Variants in NKTR observed in about 807,000 individuals in gnomAD.
NKTR encodes the protein natural killer cell triggering receptor, also known as NK-tumor recognition protein.
In NKTR, 67 loss-of-function variants were observed where a neutral mutation model predicts 156.3. The observed-to-expected ratio is 0.43, with a 90% CI of 0.35 to 0.53. The LOEUF is 0.53. NKTR is among the 20% of genes least tolerant of loss of function. The pLI is 0.01. For missense variants in NKTR, 1,604 were observed against 1,730.9 expected (o/e 0.93, Z 1.30); for synonymous variants, 640 against 596.6 (o/e 1.07, Z -1.06).
intron 2 of NKTR, among the ~76,000 whole-genome samples, chr3:42,608,250 G>A (rs936597843): frequency 4.6e-5 from 7 of 151,602 alleles, no homozygotes; most frequent in African/African-American, 7.3e-5. Flanking sequence ...CTCGGCCTCC[G>A]TGAGCCACTG....
rs1030569099 is a variant in NKTR at position 42,630,857 on chromosome 3, C to CAGT, written c.404+284_404+286dup. 50 of 1,344,214 alleles carry CAGT rather than the reference C, an allele frequency of 3.7e-5. No homozygotes were observed. In the African/African-American group the frequency reaches 7.0e-4, roughly 19 times the overall value. 83.3% of individuals were successfully genotyped at this position (1,344,214 alleles called of 1,614,324 possible). ...TTTCCAAAATGGGTCGGATAGTAAG[C>CAGT]AGTACAATATCATGTGTCCCTGTAA... is the stretch of plus-strand genomic sequence containing the variant. On this transcript the variant is annotated intron_variant, in intron 7 of 16. Coordinates refer to ENST00000232978, the MANE Select transcript of NKTR (RefSeq NM_005385.4).
intron 14 of NKTR, among the ~76,000 whole-genome samples, chr3:42,642,870 A>C (rs547287093): frequency 8.5e-5 from 13 of 152,236 alleles, no homozygotes; most frequent in African/African-American, 3.1e-4. Context: ...TCCTTAACCT[A>C]AGTTTTACAT....
intron 6 of NKTR, chr3:42,630,037 C>G (rs1708746492): frequency 1.0e-6 from 1 of 985,508 alleles, no homozygotes; most frequent in South Asian, 4.7e-5. Context: ...ACTCCTGAGA[C>G]CTACCTCTGC....
In NKTR at chr3:42,637,793, T is replaced by C; in HGVS notation, c.2089T>C (p.Ser697Pro). The change falls in exon 13 of 17, where the codon TCT becomes CCT. Residue 697 changes from serine (S) to proline (P), a missense_variant. Physicochemically the swap from Ser to Pro is moderately conservative, Grantham distance 74. Transcript: ENST00000232978. ...CTCACCAAGGTCAAGGAGCAGATCTTCTAGGAGTAGATCTTATTCCAGATC... is the reference window on the plus strand; with the variant it reads ...CTCACCAAGGTCAAGGAGCAGATCTCCTAGGAGTAGATCTTATTCCAGATC... ...ESSPRSRSRS[S>P]RSRSYSRSYT... The C allele has an allele frequency of 2.5e-6, 4 of 1,613,816 alleles. No homozygotes were observed. The highest frequency in any genetic ancestry group is 8.5e-7 in the Non-Finnish European group (1 of 1,179,850).
chr3:42,600,809 G>A, intron 1 of NKTR, 31 bp downstream of exon 1: 2 of 402,202 alleles, frequency 5.0e-6, no homozygotes, highest in Non-Finnish European at 8.9e-6. Flanking sequence ...CGTGCGCGCT[G>A]CGTGGGAGCC....
chr3:42,627,659 G>A (rs1266884634), intron 6 of NKTR: 1 of 984,176 alleles, frequency 1.0e-6, no homozygotes, highest in Non-Finnish European at 1.2e-6. Context: ...CAGGGGTCGG[G>A]AAAACTGAAA....
At chr3:42,633,449 CAT>C in intron 9 of NKTR, 129 bp from the exon 10 acceptor site, 1 of 1,423,498 alleles carries the variant, frequency 7.0e-7, no homozygotes, top group South Asian at 1.6e-5. Context: ...TTGTGAAAAT[CAT>C]ATAACTCTTT....
chr3:42,624,634 A>G (rs1708211160), intron 6 of NKTR, among the ~76,000 whole-genome samples: 1 of 152,138 alleles, frequency 6.6e-6, no homozygotes, highest in African/African-American at 2.4e-5. Flanking sequence ...TGATAGCTAG[A>G]AAAAGAATGC....
chr3:42,627,854 TTAAACAGCCGC>T, intron 6 of NKTR: 1 of 985,418 alleles, frequency 1.0e-6, no homozygotes, highest in Non-Finnish European at 1.2e-6. Flanking sequence ...GCACAGCTCT[TTAAACAGCCGC>T]TTTTAAGATC....
Position 42,639,264 on chromosome 3 carries a change from T to G in NKTR, c.3560T>G (p.Val1187Gly), listed in dbSNP as rs1052088526. 3.1e-6 allele frequency: 5 copies of G among 1,613,788 alleles called. No individual in the cohort carries two copies. The highest frequency in any genetic ancestry group is 2.5e-6 in the Non-Finnish European group (3 of 1,179,956). Residue 1187 changes from valine to glycine, a missense_variant, in exon 13 of 17, where the codon GTG becomes GGG. This residue lies in a region of NKTR where 1,255 missense variants were observed against 1,243.7 expected (regional missense o/e 1.01). Transcript: ENST00000232978. ...KQESSMSESK[V>G]LGEVGKQDSS... Reference sequence around the variant, plus strand: ...GAAAGCAGCATGTCCGAAAGTAAAGTGTTGGGTGAAGTGGGGAAACAGGAC... The same window carrying G: ...GAAAGCAGCATGTCCGAAAGTAAAGGGTTGGGTGAAGTGGGGAAACAGGAC...
At chr3:42,636,778 G>A in intron 12 of NKTR, 90 bp from the exon 13 acceptor site, 1 of 1,481,052 alleles carries the variant, frequency 6.8e-7, no homozygotes, top group South Asian at 1.5e-5. Context: ...TGTTAATGGG[G>A]TCAAGAACTT....
chr3:42,609,165 AG>A (rs1482031326), intron 2 of NKTR, among the ~76,000 whole-genome samples: 1 of 152,092 alleles, frequency 6.6e-6, no homozygotes, highest in African/African-American at 2.4e-5. Flanking sequence ...ATAGAACAAA[AG>A]ATGCTCCTAT....
chr3:42,633,371 GATCATTT>G (rs1709087363), intron 9 of NKTR: 1 of 1,343,502 alleles, frequency 7.4e-7, no homozygotes, highest in Admixed American at 3.4e-5. Flanking sequence ...AAAAAGTTAG[GATCATTT>G]AACAATTTTC....
Position 42,637,359 on chromosome 3 carries a change from G to C in NKTR, c.1655G>C (p.Arg552Thr). 1 of 1,614,124 alleles carries C rather than the reference G, an allele frequency of 6.2e-7. No homozygotes were observed. Among genetic ancestry groups the C allele is most frequent in the Non-Finnish European group, 8.5e-7 (1 of 1,180,008 alleles). Reference protein sequence around the residue: ...SSHSRSRSKSRSSSKSGHRKR... With the variant: ...SSHSRSRSKSTSSSKSGHRKR... ...CATTCTCGAAGTAGATCAAAGTCCA[G>C]ATCTAGTTCCAAGTCTGGGCACCGA... Residue 552 changes from arginine to threonine, a missense_variant, in exon 13 of 17, where the codon AGA becomes ACA. Transcript: ENST00000232978.
At position 42,631,308 on chromosome 3, in the gene NKTR, T is replaced by A; in HGVS notation, c.542T>A (p.Ile181Lys). The change falls in exon 8 of 17, where the codon ATA (isoleucine) becomes AAA (lysine). Residue 181 changes from isoleucine to lysine, a missense_variant. Physicochemically the swap from Ile to Lys is moderately radical, Grantham distance 102. This residue lies in a region of NKTR where 1,255 missense variants were observed against 1,243.7 expected (regional missense o/e 1.01). Transcript: ENST00000232978. ...IDCGVLATKSIKDVFEKKRKK... is the reference protein window; with the variant it reads ...IDCGVLATKSKKDVFEKKRKK... ...TGTGGAGTACTTGCCACAAAATCAA[T>A]AAAAGATGGTAAGAACTTTTTTGAC... is the stretch of plus-strand genomic sequence containing the variant. 6.2e-7 allele frequency: 1 copy of A among 1,613,350 alleles called. No individual in the cohort carries two copies. Among genetic ancestry groups the A allele is most frequent in the Non-Finnish European group, 8.5e-7 (1 of 1,179,636 alleles).
At chr3:42,615,009 C>T (rs1040809995) in intron 2 of NKTR, among the ~76,000 whole-genome samples, 1 of 151,156 alleles carries the variant, frequency 6.6e-6, no homozygotes, top group African/African-American at 2.4e-5. Flanking sequence ...CCATGAGGTT[C>T]GGAGGGCAAA....
chr3:42,643,756 C>G (rs779639396), intron 15 of NKTR, 146 bp from the exon 16 acceptor site: 3 of 687,572 alleles, frequency 4.4e-6, no homozygotes, highest in Non-Finnish European at 8.0e-6. Flanking sequence ...TTAAATGTTT[C>G]CAGTACTTGT....
intron 3 of NKTR, among the ~76,000 whole-genome samples, chr3:42,617,991 T>C (rs1707541784): frequency 6.6e-6 from 1 of 152,074 alleles, no homozygotes; most frequent in Non-Finnish European, 1.5e-5. Context: ...GTATTCCAAA[T>C]TTTACAATAA....
rs911287493 is a variant in NKTR at position 42,617,602 on chromosome 3, A to G, written c.91A>G (p.Ile31Val). The change falls in exon 3 of 17, where the codon ATA becomes GTA. Residue 31 changes from isoleucine (I) to valine (V), a missense_variant. Ile to Val is a conservative substitution (Grantham distance 29, BLOSUM62 3). Transcript: ENST00000232978. ...GRIMFQLFSD[I>V]CPKTCKNFLC... Reference sequence around the variant, plus strand: ...CATTATGTTTCAGCTCTTCTCAGACATATGTCCAAAAACATGCAAAAACTT... The same window carrying G: ...CATTATGTTTCAGCTCTTCTCAGACGTATGTCCAAAAACATGCAAAAACTT... 1 of 1,605,570 alleles carries G rather than the reference A, an allele frequency of 6.2e-7. No homozygotes were observed. The highest frequency in any genetic ancestry group is 1.3e-5 in the African/African-American group (1 of 74,730).
Sources: allele counts gnomAD v4.1 joint callset (sites outside exome capture counted in the v4.1 genomes callset), GRCh38; gene constraint gnomAD v4.1.1; regional missense constraint gnomAD v4.1.1; transcripts MANE v1.5; gene names NCBI Gene and HGNC (gene_info 2026-07-23, HGNC 2026-07-21).